The following GTF2H1 variants were observed in gnomAD, a reference collection of about 807,000 sequenced individuals.
The protein encoded by GTF2H1 is general transcription factor IIH subunit 1.
A neutral mutation model predicts 71.2 loss-of-function variants in GTF2H1; 16 were observed. The ratio of observed to expected loss-of-function variants is 0.22; its 90% CI spans 0.15 to 0.34. The LOEUF (loss-of-function observed/expected upper bound fraction) is 0.34. Among genes scored for constraint, GTF2H1 ranks in the 10% least tolerant of loss-of-function variants. The probability of loss-of-function intolerance (pLI) is 1.00; values close to 1 mark genes in which losing one functional copy is unlikely to be tolerated. For missense variants in GTF2H1, 498 were observed against 648.2 expected (o/e 0.77, Z 2.52); for synonymous variants, 215 against 219.0 (o/e 0.98, Z 0.16).
chr11:18,347,895 C>T lies in GTF2H1; in HGVS notation c.1029C>T (p.Asp343=). The T allele has an allele frequency of 1.2e-6, 2 of 1,613,536 alleles. No individual in the cohort carries two copies. The highest frequency in any genetic ancestry group is 1.7e-6 in the Non-Finnish European group (2 of 1,179,468). The change falls in exon 9 of 15, where the codon GAC becomes GAT. Residue 343 remains aspartate (D), a synonymous_variant. Transcript: ENST00000265963. The part of the protein sequence containing the change: ...SNMDGNSGDA[D]CFQPAVKRAK... ...TGGATGGAAATTCCGGAGATGCAGA[C>T]TGCTTTCAGCCAGCAGTCAAAAGGG...
chr11:18,365,481 G>A (rs113180083), intron 14 of GTF2H1, among the ~76,000 whole-genome samples: 1 of 152,256 alleles, frequency 6.6e-6, no homozygotes, highest in Non-Finnish European at 1.5e-5. Context: ...CAGACCCCTC[G>A]TTTGACAGAA....
At chr11:18,336,524 G>A (rs1314346856) in intron 3 of GTF2H1, among the ~76,000 whole-genome samples, 1 of 152,062 alleles carries the variant, frequency 6.6e-6, no homozygotes, top group Non-Finnish European at 1.5e-5. Context: ...AAATCTTACT[G>A]CTTGTTTGAC....
chr11:18,331,473 C>A (rs1444052898), intron 1 of GTF2H1, among the ~76,000 whole-genome samples: 1 of 152,088 alleles, frequency 6.6e-6, no homozygotes, highest in African/African-American at 2.4e-5. Flanking sequence ...TCGAGACCAG[C>A]CTGACCAACA....
chr11:18,348,340 T>C (rs1341661387), intron 9 of GTF2H1: 1 of 245,158 alleles, frequency 4.1e-6, no homozygotes, highest in African/African-American at 2.2e-5. Context: ...TGAAAGTGTC[T>C]TCTCATTAAA....
intron 14 of GTF2H1, among the ~76,000 whole-genome samples, chr11:18,362,008 C>T (rs762488365): frequency 6.6e-6 from 1 of 152,206 alleles, no homozygotes; most frequent in Non-Finnish European, 1.5e-5. Flanking sequence ...AGTACAGTCA[C>T]GTGTTGCTTA....
chr11:18,351,725 G>C (rs1288591009), intron 9 of GTF2H1, 156 bp from the exon 10 acceptor site: 4 of 474,894 alleles, frequency 8.4e-6, no homozygotes, highest in Non-Finnish European at 1.6e-5. Context: ...TGAGAAAATT[G>C]GTTCAGCCAT....
At chr11:18,364,559 T>C (rs1590202373) in intron 14 of GTF2H1, among the ~76,000 whole-genome samples, 1 of 152,076 alleles carries the variant, frequency 6.6e-6, no homozygotes, top group East Asian at 1.9e-4. Context: ...GCCACTGCAC[T>C]CCAGCCTGGG....
In GTF2H1 at chr11:18,352,923, CT is replaced by C. The variant is rs1372863742; in HGVS notation, c.1260+480del. On this transcript the variant is annotated intron_variant, in intron 11 of 14. Coordinates refer to ENST00000265963, the MANE Select transcript of GTF2H1 (RefSeq NM_005316.4). ...TTTCCATAATGCTACTGCAAGTTGT[CT>C]TTCTAAAATCACTTATTTTGGCCGG... Among the ~76,000 whole-genome samples the C allele has an allele frequency of 5.3e-5, 8 of 152,340 alleles. No individual in the cohort carries two copies. In the East Asian group the frequency reaches 1.5e-3, roughly 29 times the overall value.
intron 1 of GTF2H1, among the ~76,000 whole-genome samples, chr11:18,332,066 T>TA (rs1864912487): frequency 7.5e-6 from 1 of 133,908 alleles, no homozygotes. Context: ...GCTCAAGTGA[T>TA]ACCTCCTGCC....
At chr11:18,347,372 T>C in intron 7 of GTF2H1, 1 of 412,414 alleles carries the variant, frequency 2.4e-6, no homozygotes, top group Non-Finnish European at 4.3e-6. Flanking sequence ...AAATTCAGTT[T>C]AAGATGTATT....
chr11:18,362,344 CAGTG>C (rs1565021268), intron 14 of GTF2H1, among the ~76,000 whole-genome samples: 1 of 152,144 alleles, frequency 6.6e-6, no homozygotes, highest in Non-Finnish European at 1.5e-5. Context: ...CTGGGTGACT[CAGTG>C]AGTGAATGTG....
At chr11:18,364,881 C>T (rs1865781934) in intron 14 of GTF2H1, among the ~76,000 whole-genome samples, 1 of 152,068 alleles carries the variant, frequency 6.6e-6, no homozygotes, top group South Asian at 2.1e-4. Flanking sequence ...TCATCCCAGG[C>T]CTGTTGAATC....
Position 18,336,117 on chromosome 11 carries a change from TTTTG to T in GTF2H1, c.347+183_347+186del, listed in dbSNP as rs371774692. ...TTTGTTTGTTTTGGTGGTGGTGGTT[TTTTG>T]TTTGTTTGTTTTTGGATTTTTTTGA... On this transcript the variant is annotated intron_variant, in intron 3 of 14. Transcript: ENST00000265963. Among the ~76,000 whole-genome samples, 563 of 152,118 alleles carry T rather than the reference TTTTG, an allele frequency of 3.7e-3. 26 individuals are homozygous for T. The South Asian group carries it at 0.084, about 23-fold the overall frequency.
chr11:18,336,111 G>A (rs1865022662), intron 3 of GTF2H1, among the ~76,000 whole-genome samples, 165 bp downstream of exon 3: 2 of 151,764 alleles, frequency 1.3e-5, no homozygotes, highest in Admixed American at 6.6e-5. Context: ...TTTGGTGGTG[G>A]TGGTTTTTTG....
intron 11 of GTF2H1, among the ~76,000 whole-genome samples, chr11:18,354,312 C>G (rs186437861): frequency 2.0e-5 from 3 of 152,192 alleles, no homozygotes; most frequent in Non-Finnish European, 4.4e-5. Context: ...TAGTATTTGC[C>G]TGGTTTCTCC....
rs1223682925 is a variant in GTF2H1 at position 18,366,189 on chromosome 11, G to A, written c.*320G>A. On this transcript the variant is annotated 3_prime_UTR_variant, in exon 15 of 15. Coordinates refer to ENST00000265963, the MANE Select transcript of GTF2H1 (RefSeq NM_005316.4). ...AAGACTGTTTACTGCAGTTGCTCAG[G>A]AACTGCTTTTGATTCACATTAAGCT... 44 of 255,118 alleles carry A rather than the reference G, an allele frequency of 1.7e-4. No individual in the cohort carries two copies. 15.8% of individuals were successfully genotyped at this position (255,118 alleles called of 1,614,324 possible).
At chr11:18,349,642 C>T (rs537393221) in intron 9 of GTF2H1, among the ~76,000 whole-genome samples, 5 of 152,150 alleles carry the variant, frequency 3.3e-5, no homozygotes, top group East Asian at 1.9e-4. Flanking sequence ...GGGATCGCGT[C>T]GCTGCACTCC....
At chr11:18,339,173 A>T (rs1035994327) in intron 4 of GTF2H1, among the ~76,000 whole-genome samples, 2 of 152,182 alleles carry the variant, frequency 1.3e-5, no homozygotes, top group African/African-American at 4.8e-5. Context: ...TTGGATGTTT[A>T]TTAGTGAAGT....
At chr11:18,328,585 G>A (rs1277774999) in intron 1 of GTF2H1, among the ~76,000 whole-genome samples, 1 of 151,820 alleles carries the variant, frequency 6.6e-6, no homozygotes, top group African/African-American at 2.4e-5. Context: ...AGCACTTTGG[G>A]AGGCTGAGGC....
Sources: gnomAD v4.1 joint callset for allele counts (sites outside exome capture counted in the v4.1 genomes callset) on GRCh38, gnomAD v4.1.1 for gene constraint, MANE v1.5 for transcripts, NCBI Gene and HGNC (gene_info 2026-07-23, HGNC 2026-07-21) for gene names.